ZSWIM5: variants seen among roughly 807,000 people sequenced by gnomAD.
The protein encoded by ZSWIM5 is zinc finger SWIM domain-containing protein 5.
Under a neutral mutation model 119.6 loss-of-function variants are expected in ZSWIM5, and 55 were observed. The observed-to-expected ratio is 0.46, with a 90% CI of 0.37 to 0.58. The LOEUF is 0.58. ZSWIM5 is among the 20% of genes least tolerant of loss of function. The pLI, the probability that ZSWIM5 is intolerant of heterozygous loss-of-function variation, is 0.00. For synonymous variants in ZSWIM5, 537 were observed against 606.9 expected (o/e 0.88, Z 1.69); for missense variants, 1,193 against 1,512.8 (o/e 0.79, Z 3.51).
At chr1:45,055,435 C>T (rs111594451) in intron 4 of ZSWIM5, among the ~76,000 whole-genome samples, 13 of 152,224 alleles carry the variant, frequency 8.5e-5, no homozygotes, top group African/African-American at 3.1e-4. Flanking sequence ...CATTGAGCAA[C>T]AAGATAATAC....
chr1:45,148,508 C>T (rs1645776889), intron 1 of ZSWIM5, among the ~76,000 whole-genome samples: 1 of 151,322 alleles, frequency 6.6e-6, no homozygotes, highest in South Asian at 2.1e-4. Context: ...AAAAAAAAAG[C>T]TGTAAACCAA....
At chr1:45,191,971 A>G (rs1030468517) in intron 1 of ZSWIM5, among the ~76,000 whole-genome samples, 4 of 152,140 alleles carry the variant, frequency 2.6e-5, no homozygotes, top group African/African-American at 9.7e-5. Context: ...CTAATTTTGG[A>G]ACATTTTCAC....
At chr1:45,038,724 A>C (rs1270892833) in intron 8 of ZSWIM5, among the ~76,000 whole-genome samples, 1 of 149,096 alleles carries the variant, frequency 6.7e-6, no homozygotes, top group Admixed American at 6.9e-5. Context: ...CTACTGCCTC[A>C]GCCCCGAAGT....
intron 2 of ZSWIM5, among the ~76,000 whole-genome samples, chr1:45,078,735 C>A (rs1645270302): frequency 6.6e-6 from 1 of 152,206 alleles, no homozygotes; most frequent in African/African-American, 2.4e-5. Context: ...CAAAGCCAGC[C>A]AGGTCTGTGT....
chr1:45,025,103 G>C (rs796996624), intron 11 of ZSWIM5, among the ~76,000 whole-genome samples: 5 of 152,304 alleles, frequency 3.3e-5, no homozygotes, highest in African/African-American at 1.2e-4. Flanking sequence ...TTGTTGAAAA[G>C]ACAATCTTTT....
In ZSWIM5 at chr1:45,031,788, G is replaced by A. The variant is rs535477185; in HGVS notation, c.2449+2524C>T. Among the ~76,000 whole-genome samples, 10 of 149,576 alleles carry A rather than the reference G, an allele frequency of 6.7e-5. No individual in the cohort carries two copies. The South Asian group carries it at 8.4e-4, about 13-fold the overall frequency. ...CTAGGGGGTGGAGCTTGCAGTGAGC[G>A]GAGATCACGCCACTGCATTCCAACC... On this transcript the variant is annotated intron_variant, in intron 11 of 13. Coordinates refer to ENST00000359600, the MANE Select transcript of ZSWIM5 (RefSeq NM_020883.2).
intron 1 of ZSWIM5, among the ~76,000 whole-genome samples, chr1:45,197,991 G>A (rs924484303): frequency 4.6e-5 from 7 of 152,204 alleles, no homozygotes; most frequent in South Asian, 2.1e-4. Flanking sequence ...GATCCATCAC[G>A]ATGCTGAACA....
intron 11 of ZSWIM5, among the ~76,000 whole-genome samples, chr1:45,033,085 G>A (rs768153954): frequency 9.9e-5 from 15 of 152,118 alleles, no homozygotes; most frequent in East Asian, 5.8e-4. Context: ...GCAGGCTACC[G>A]CCACTCCCCA....
chr1:45,200,538 C>G (rs1646152331), intron 1 of ZSWIM5, among the ~76,000 whole-genome samples: 1 of 152,198 alleles, frequency 6.6e-6, no homozygotes, highest in African/African-American at 2.4e-5. Flanking sequence ...TCAAGGTTAT[C>G]CATTTCTAAA....
At chr1:45,037,014 TG>T (rs1360733715) in intron 8 of ZSWIM5, among the ~76,000 whole-genome samples, 2 of 151,814 alleles carry the variant, frequency 1.3e-5, no homozygotes, top group African/African-American at 4.8e-5. Context: ...TTGCCCAGGC[TG>T]GTCTCAAACT....
At chr1:45,138,720 G>A (rs1645705453) in intron 1 of ZSWIM5, among the ~76,000 whole-genome samples, 1 of 151,840 alleles carries the variant, frequency 6.6e-6, no homozygotes, top group Non-Finnish European at 1.5e-5. Flanking sequence ...CCCTCCCCAG[G>A]GGAGATCAGG....
chr1:45,040,604 CAAAG>C (rs1410444568), intron 6 of ZSWIM5, 66 bp from the exon 7 acceptor site: 13 of 1,449,184 alleles, frequency 9.0e-6, no homozygotes, highest in Non-Finnish European at 1.1e-5. Context: ...TTATACCTGA[CAAAG>C]AGAGTTTGTA....
intron 11 of ZSWIM5, among the ~76,000 whole-genome samples, chr1:45,026,234 T>C (rs934075525): frequency 1.3e-5 from 2 of 152,056 alleles, no homozygotes; most frequent in Admixed American, 6.6e-5. Flanking sequence ...GAGGTCTTGC[T>C]ATGTTATCCA....
chr1:45,190,400 G>A (rs566300882), intron 1 of ZSWIM5, among the ~76,000 whole-genome samples: 10 of 152,236 alleles, frequency 6.6e-5, no homozygotes, highest in African/African-American at 2.4e-4. Context: ...ATCCATAATG[G>A]AGATTAGAGG....
intron 4 of ZSWIM5, among the ~76,000 whole-genome samples, chr1:45,054,882 G>A (rs1301122507): frequency 6.6e-6 from 1 of 152,164 alleles, no homozygotes; most frequent in Non-Finnish European, 1.5e-5. Context: ...CTGGAGTGCA[G>A]TGGCATGATC....
chr1:45,149,654 A>G (rs922015688), intron 1 of ZSWIM5, among the ~76,000 whole-genome samples: 1 of 152,242 alleles, frequency 6.6e-6, no homozygotes, highest in Non-Finnish European at 1.5e-5. Context: ...TCTTGCTTTC[A>G]TTTATCTATA....
intron 1 of ZSWIM5, among the ~76,000 whole-genome samples, chr1:45,125,650 T>C (rs1228035457): frequency 6.6e-6 from 1 of 151,922 alleles, no homozygotes; most frequent in African/African-American, 2.4e-5. Flanking sequence ...GGCAAGCGCC[T>C]GTAATCCCAG....
Sources: gnomAD v4.1 joint callset for allele counts (sites outside exome capture counted in the v4.1 genomes callset) on GRCh38, gnomAD v4.1.1 for gene constraint, MANE v1.5 for transcripts, NCBI Gene and HGNC (gene_info 2026-07-23, HGNC 2026-07-21) for gene names.